SLC71A1: variants seen among roughly 807,000 people sequenced by gnomAD.
The protein encoded by SLC71A1 is solute carrier family 71 member 1.
chr1:100,068,295 G>A, the SLC71A1 span: 21 of 1,060,858 alleles, frequency 2.0e-5, no homozygotes, highest in South Asian at 3.1e-4. Context: ...AACATCTTGG[G>A]TTTTTCTTTT....
chr1:100,081,880 T>C, the SLC71A1 span: 6 of 710,734 alleles, frequency 8.4e-6, no homozygotes, highest in South Asian at 1.9e-5. Context: ...TTTATAATTA[T>C]GGCTTTAATA....
chr1:100,074,729 T>C, the SLC71A1 span, among the ~76,000 whole-genome samples: 4 of 147,566 alleles, frequency 2.7e-5, no homozygotes, highest in East Asian at 2.0e-4. Flanking sequence ...ATACAAAAAT[T>C]AGCAGGCATG....
the SLC71A1 span, chr1:100,068,221 T>C: frequency 6.4e-7 from 1 of 1,574,010 alleles, no homozygotes; most frequent in Non-Finnish European, 8.7e-7. Flanking sequence ...TTCCTTCTCC[T>C]TGATAAAAAA....
the SLC71A1 span, among the ~76,000 whole-genome samples, chr1:100,041,441 G>A: frequency 1.3e-5 from 2 of 152,100 alleles, no homozygotes; most frequent in African/African-American, 4.8e-5. Flanking sequence ...CATGTTTCTT[G>A]GAAGAGTCCC....
At chr1:100,055,757 GTT>G in the SLC71A1 span, among the ~76,000 whole-genome samples, 1 of 151,774 alleles carries the variant, frequency 6.6e-6, no homozygotes, top group East Asian at 1.9e-4. Context: ...GTTTTGTTTT[GTT>G]TTTTGTTTTT....
chr1:100,038,875 G>A, the SLC71A1 span, among the ~76,000 whole-genome samples: 1 of 152,254 alleles, frequency 6.6e-6, no homozygotes, highest in Admixed American at 6.5e-5. Flanking sequence ...AGTAAACCCT[G>A]ACCGGAGATG....
At chr1:100,062,049 T>A in the SLC71A1 span, 16 of 694,350 alleles carry the variant, frequency 2.3e-5, no homozygotes, top group Admixed American at 1.6e-4. Flanking sequence ...ATTACAAGAT[T>A]TTTGCGTAAA....
chr1:100,074,128 A>G, the SLC71A1 span, among the ~76,000 whole-genome samples: 1 of 152,216 alleles, frequency 6.6e-6, no homozygotes, highest in African/African-American at 2.4e-5. Context: ...GCTTTGGGTC[A>G]CAAGATAGGC....
At chr1:100,046,945 G>A in the SLC71A1 span, among the ~76,000 whole-genome samples, 1 of 152,176 alleles carries the variant, frequency 6.6e-6, no homozygotes, top group Non-Finnish European at 1.5e-5. Context: ...CTTCCATTCT[G>A]ATAGTTTTTT....
At chr1:100,050,951 G>A in the SLC71A1 span, among the ~76,000 whole-genome samples, 6 of 151,980 alleles carry the variant, frequency 3.9e-5, no homozygotes, top group Non-Finnish European at 8.8e-5. Context: ...TGTGCATGGT[G>A]GCATATGTTT....
At chr1:100,048,328 C>T in the SLC71A1 span, among the ~76,000 whole-genome samples, 7 of 152,226 alleles carry the variant, frequency 4.6e-5, no homozygotes, top group East Asian at 7.7e-4. Context: ...TACAGGCACA[C>T]GCCACCATGC....
At chr1:100,057,073 C>T in the SLC71A1 span, among the ~76,000 whole-genome samples, 2 of 152,114 alleles carry the variant, frequency 1.3e-5, no homozygotes, top group Non-Finnish European at 2.9e-5. Flanking sequence ...TTATTAATCC[C>T]TTGTCAGATG....
chr1:100,068,242 C>A, the SLC71A1 span: 1 of 1,398,426 alleles, frequency 7.2e-7, no homozygotes, highest in Non-Finnish European at 1.0e-6. Context: ...GTGCATGATT[C>A]AGTGCAGCAT....
chr1:100,079,093 GA>G, the SLC71A1 span: 1 of 152,250 alleles, frequency 6.6e-6, no homozygotes, highest in Non-Finnish European at 1.5e-5. Flanking sequence ...ATTTACTGAT[GA>G]ATGTTGGCCA....
the SLC71A1 span, chr1:100,038,258 G>T: frequency 6.4e-7 from 1 of 1,560,482 alleles, no homozygotes. Context: ...AAGAAGAAAC[G>T]GGCCGCGAAC....
the SLC71A1 span, chr1:100,077,210 A>T: frequency 3.8e-6 from 6 of 1,590,856 alleles, no homozygotes; most frequent in Non-Finnish European, 5.2e-6. Context: ...AAATAAGAAC[A>T]CCATTTTACT....
At chr1:100,039,039 T>C in the SLC71A1 span, among the ~76,000 whole-genome samples, 4 of 152,220 alleles carry the variant, frequency 2.6e-5, no homozygotes, top group African/African-American at 9.6e-5. Context: ...GAGGACACTT[T>C]GAAGGGAAGA....
chr1:100,059,144 G>GTGTTTTTTTTTTTT, the SLC71A1 span, among the ~76,000 whole-genome samples: 18 of 75,428 alleles, frequency 2.4e-4, no homozygotes, highest in African/African-American at 5.3e-4. Context: ...TCTTTTTCGT[G>GTGTTTTTTTTTTTT]TTTTTTTTTT....
At chr1:100,063,975 T>A in the SLC71A1 span, among the ~76,000 whole-genome samples, 1 of 152,116 alleles carries the variant, frequency 6.6e-6, no homozygotes, top group Non-Finnish European at 1.5e-5. Context: ...TCAGTGACCC[T>A]CATAGTGAGA....
Sources: gnomAD v4.1 joint callset for allele counts (sites outside exome capture counted in the v4.1 genomes callset) on GRCh38, gnomAD v4.1.1 for gene constraint, MANE v1.5 for transcripts, NCBI Gene and HGNC (gene_info 2026-07-23, HGNC 2026-07-21) for gene names.